STAT4: variants seen among roughly 807,000 people sequenced by gnomAD.
STAT4 encodes signal transducer and activator of transcription 4.
STAT4 carries 42 observed loss-of-function variants against 110.5 expected under a neutral mutation model. The ratio of observed to expected loss-of-function variants is 0.38; its 90% CI spans 0.30 to 0.49. The LOEUF is 0.49. Among genes scored for constraint, STAT4 ranks in the 20% least tolerant of loss-of-function variants. STAT4 has a pLI of 0.95. For missense variants in STAT4, 632 were observed against 887.9 expected, an observed-to-expected ratio of 0.71 and a Z score of 3.66; for synonymous variants, 284 against 302.2, an observed-to-expected ratio of 0.94 and a Z score of 0.63.
At chr2:191,114,519 G>A (rs544998154) in intron 3 of STAT4, among the ~76,000 whole-genome samples, 1 of 152,110 alleles carries the variant, frequency 6.6e-6, no homozygotes, top group African/African-American at 2.4e-5. Context: ...CCTCCGTTAA[G>A]TTTAACAGGA....
intron 3 of STAT4, among the ~76,000 whole-genome samples, chr2:191,125,476 T>TTTTTTA (rs141291456): frequency 7.2e-6 from 1 of 138,002 alleles, no homozygotes; most frequent in Non-Finnish European, 1.5e-5. Context: ...ATCCTCATTA[T>TTTTTTA]TTATTATTAT....
At position 191,086,622 on chromosome 2, in the gene STAT4, A is replaced by G. The variant is rs1351819757; in HGVS notation, c.274-10297T>C. Among the ~76,000 whole-genome samples the G allele has an allele frequency of 6.6e-6, 1 of 152,188 alleles. No individual in the cohort carries two copies. The highest frequency in any genetic ancestry group is 1.9e-4 in the East Asian group (1 of 5,198). The stretch of plus-strand genomic sequence containing the variant: ...ATTATGTTCCAAAAGAAACTGTAGT[A>G]TACTTGTTATCAGATTCTAGCCTTG... On this transcript the variant is annotated intron_variant, in intron 3 of 23. Coordinates refer to ENST00000392320, the MANE Select transcript of STAT4 (RefSeq NM_003151.4). This position sits in a 1 kb window ranked among gnomAD's most constrained non-coding sequence, Gnocchi z 5.5.
At chr2:191,119,228 T>A (rs1053289347) in intron 3 of STAT4, among the ~76,000 whole-genome samples, 3 of 152,220 alleles carry the variant, frequency 2.0e-5, no homozygotes, top group Admixed American at 6.5e-5. Flanking sequence ...AATTAAAATA[T>A]GCTAAAAAGG....
chr2:191,118,542 C>G (rs1393250518), intron 3 of STAT4, among the ~76,000 whole-genome samples: 4 of 151,976 alleles, frequency 2.6e-5, no homozygotes, highest in African/African-American at 9.7e-5. Context: ...TCAGTGTGTT[C>G]AGATATAGTT....
Position 191,058,206 on chromosome 2 carries a change from G to T in STAT4, c.1108C>A (p.Leu370Ile). 6.2e-7 allele frequency: 1 copy of T among 1,613,710 alleles called. No individual in the cohort carries two copies. The highest frequency in any genetic ancestry group is 8.5e-7 in the Non-Finnish European group (1 of 1,179,784). The change falls in exon 12 of 24, where the codon CTA (leucine) becomes ATA (isoleucine). Residue 370 changes from leucine (L) to isoleucine (I), a missense_variant. By Grantham distance (5) the Leu-to-Ile change is conservative. This residue lies in a region of STAT4 where 488 missense variants were observed against 632.8 expected (regional missense o/e 0.77). Coordinates refer to ENST00000392320, the MANE Select transcript of STAT4 (RefSeq NM_003151.4). The surrounding 1 kb of genome is among the most constrained non-coding windows in gnomAD (Gnocchi z 4.3). Reference sequence around the variant, plus strand: ...TCCACAAAGTAAATGTCTTACCTTAGAGTTGAAACATTCCTGTAAAACCAA... The same window carrying T: ...TCCACAAAGTAAATGTCTTACCTTATAGTTGAAACATTCCTGTAAAACCAA... ...KASIDKNVST[L>I]SNRRFVLCGT... is the part of the protein sequence containing the mutation.
At chr2:191,084,461 T>C (rs998730816) in intron 3 of STAT4, among the ~76,000 whole-genome samples, 5 of 152,078 alleles carry the variant, frequency 3.3e-5, no homozygotes, top group Non-Finnish European at 7.4e-5. Context: ...GAATTGACAT[T>C]ACAATTAATA....
At chr2:191,081,199 C>T (rs1574137758) in intron 3 of STAT4, among the ~76,000 whole-genome samples, 2 of 152,156 alleles carry the variant, frequency 1.3e-5, no homozygotes, top group Admixed American at 6.6e-5. Context: ...GCATAGTATT[C>T]CATGGTGTAT....
In STAT4 at chr2:191,138,948, A is replaced by G. The variant is rs1485503840; in HGVS notation, c.273+7665T>C. Among the ~76,000 whole-genome samples, 1 of 152,176 alleles carries G rather than the reference A, an allele frequency of 6.6e-6. No homozygotes were observed. Among genetic ancestry groups the G allele is most frequent in the African/African-American group, 2.4e-5 (1 of 41,448 alleles). ...ATTAGGAATACAGGGATAGTTTAAC[A>G]CACGCAAAGTCAATAAATATGATAC... On this transcript the variant is annotated intron_variant, in intron 3 of 23. Transcript: ENST00000392320. The surrounding 1 kb of genome is among the most constrained non-coding windows in gnomAD (Gnocchi z 4.3).
At chr2:191,127,627 T>C (rs1698917237) in intron 3 of STAT4, among the ~76,000 whole-genome samples, 2 of 152,216 alleles carry the variant, frequency 1.3e-5, no homozygotes, top group Non-Finnish European at 2.9e-5. Flanking sequence ...CCATATGATG[T>C]AATCAATATT....
intron 17 of STAT4, among the ~76,000 whole-genome samples, 200 bp from the exon 18 acceptor site, chr2:191,034,797 G>A (rs1485065736): frequency 6.6e-6 from 1 of 152,120 alleles, no homozygotes; most frequent in Non-Finnish European, 1.5e-5. Flanking sequence ...TAGAAAATAA[G>A]CTTTTTGGTG....
At chr2:191,049,317 G>A (rs1696452510) in intron 14 of STAT4, among the ~76,000 whole-genome samples, 1 of 151,888 alleles carries the variant, frequency 6.6e-6, no homozygotes, top group Non-Finnish European at 1.5e-5. Context: ...TGGGACTACA[G>A]GCAACCCGCC....
chr2:191,049,934 G>C (rs1266261820), intron 14 of STAT4, among the ~76,000 whole-genome samples: 1 of 152,220 alleles, frequency 6.6e-6, no homozygotes, highest in East Asian at 1.9e-4. Context: ...TCAACTTGCT[G>C]TGCAAATGCT....
At position 191,066,986 on chromosome 2, in the gene STAT4, G is replaced by A. The variant is rs1438430151; in HGVS notation, c.545-471C>T. Among the ~76,000 whole-genome samples the A allele has an allele frequency of 6.6e-6, 1 of 151,616 alleles. No homozygotes were observed. The highest frequency in any genetic ancestry group is 1.5e-5 in the Non-Finnish European group (1 of 67,956). On this transcript the variant is annotated intron_variant, in intron 6 of 23. Transcript: ENST00000392320. This position sits in a 1 kb window ranked among gnomAD's most constrained non-coding sequence, Gnocchi z 4.3. Reference sequence around the variant, plus strand: ...AGGTTTTATGAGAAACTGCCTGATAGAGTTACAGTCTTATCTACCTAGTCT... The same window carrying A: ...AGGTTTTATGAGAAACTGCCTGATAAAGTTACAGTCTTATCTACCTAGTCT...
At chr2:191,100,989 A>G (rs180983776) in intron 3 of STAT4, among the ~76,000 whole-genome samples, 2 of 150,942 alleles carry the variant, frequency 1.3e-5, no homozygotes, top group East Asian at 1.9e-4. Flanking sequence ...TAACTATGAC[A>G]TTTTTTTTTA....
rs998592509 is a variant in STAT4 at position 191,091,292 on chromosome 2, T to C, written c.274-14967A>G. On this transcript the variant is annotated intron_variant, in intron 3 of 23. Coordinates refer to ENST00000392320, the MANE Select transcript of STAT4 (RefSeq NM_003151.4). The surrounding 1 kb of genome is among the most constrained non-coding windows in gnomAD (Gnocchi z 5.4). ...TACATTGGCAATAACCATCTAGAGC[T>C]AGAAATAAAAAATAAGAAATAGAAA... Among the ~76,000 whole-genome samples the C allele has an allele frequency of 5.3e-5, 8 of 151,914 alleles. No homozygotes were observed. Among genetic ancestry groups the C allele is most frequent in the African/African-American group, 1.2e-4 (5 of 41,362 alleles).
chr2:191,029,928 T>C lies in STAT4; in HGVS notation c.2221-62A>G. 1.5e-6 allele frequency: 2 copies of C among 1,328,810 alleles called. No homozygotes were observed. Among genetic ancestry groups the C allele is most frequent in the Non-Finnish European group, 2.1e-6 (2 of 949,884 alleles). 82.3% of individuals were successfully genotyped at this position (1,328,810 alleles called of 1,614,324 possible). ...ACTGGTTTTCAAATCAATCACTATT[T>C]CTTGGGCAAATAAACGTCCTCTTTT... On this transcript the variant is annotated intron_variant, in intron 23 of 23. Transcript: ENST00000392320. The surrounding 1 kb of genome is among the most constrained non-coding windows in gnomAD (Gnocchi z 4.5).
chr2:191,102,009 C>CT (rs35442023), intron 3 of STAT4, among the ~76,000 whole-genome samples: 28,333 of 141,068 alleles, frequency 0.2, 3,033 homozygotes, highest in African/African-American at 0.28. Flanking sequence ...TTTGCCCAAC[C>CT]TTTTTTTTTT....
rs1284612152 is a variant in STAT4, at chr2:191,141,452, CAT to C, written c.273+5159_273+5160del. On this transcript the variant is annotated intron_variant, in intron 3 of 23. Transcript: ENST00000392320. ...TACATACATATACATATGTATATCA[CAT>C]ATATACATATGTATATCACATACAT... Among the ~76,000 whole-genome samples, 7 of 28,404 alleles carry C rather than the reference CAT, an allele frequency of 2.5e-4. No homozygotes were observed. The East Asian group carries it at 3.3e-3, about 13-fold the overall frequency. 18.6% of individuals were successfully genotyped at this position (28,404 alleles called of 152,430 possible).
rs922433569 is a variant in STAT4 at position 191,046,526 on chromosome 2, G to A, written c.1252-5378C>T. Among the ~76,000 whole-genome samples, 4 of 152,170 alleles carry A rather than the reference G, an allele frequency of 2.6e-5. No individual in the cohort carries two copies. The highest frequency in any genetic ancestry group is 1.9e-4 in the East Asian group (1 of 5,194). On this transcript the variant is annotated intron_variant, in intron 14 of 23. Transcript: ENST00000392320. The surrounding 1 kb of genome is among the most constrained non-coding windows in gnomAD (Gnocchi z 4.6). ...AGGCCTACACAGACCCTGGAAGTGGGCTTGAGGTCTTCTGGGCTAAGAATT... is the reference window on the plus strand; with the variant it reads ...AGGCCTACACAGACCCTGGAAGTGGACTTGAGGTCTTCTGGGCTAAGAATT...
Sources: allele counts gnomAD v4.1 joint callset (sites outside exome capture counted in the v4.1 genomes callset), GRCh38; gene constraint gnomAD v4.1.1; regional missense constraint gnomAD v4.1.1; non-coding constraint Gnocchi (gnomAD v3.1); transcripts MANE v1.5; gene names NCBI Gene and HGNC (gene_info 2026-07-23, HGNC 2026-07-21).